The following PRKN variants were observed in gnomAD, a reference collection of about 807,000 sequenced individuals.
PRKN encodes E3 ubiquitin-protein ligase parkin.
A neutral mutation model predicts 59.5 loss-of-function variants in PRKN; 56 were observed. The ratio of observed to expected loss-of-function variants is 0.94; its 90% CI spans 0.76 to 1.18. The LOEUF (loss-of-function observed/expected upper bound fraction) is 1.18, where lower values mean the gene tolerates loss of function less well. PRKN is among the 50% of genes most tolerant of loss of function. The pLI, the probability that PRKN is intolerant of heterozygous loss-of-function variation, is 0.00. For missense variants in PRKN, 657 were observed against 596.4 expected, an observed-to-expected ratio of 1.10 and a Z score of -1.06; for synonymous variants, 250 against 222.1, an observed-to-expected ratio of 1.13 and a Z score of -1.12.
intron 2 of PRKN, among the ~76,000 whole-genome samples, chr6:162,421,790 C>T (rs1337013335): frequency 6.6e-6 from 1 of 151,964 alleles, no homozygotes; most frequent in Non-Finnish European, 1.5e-5. Flanking sequence ...ATAATGTTGA[C>T]CAGTAACTAT....
At chr6:161,783,108 C>T (rs909487199) in intron 7 of PRKN, among the ~76,000 whole-genome samples, 2 of 152,044 alleles carry the variant, frequency 1.3e-5, no homozygotes, top group African/African-American at 4.8e-5. Flanking sequence ...GTTGTGGGTG[C>T]ATTCCAAAGT....
At position 161,544,518 on chromosome 6, in the gene PRKN, A is replaced by T. The variant is rs1779729221; in HGVS notation, c.1083+4336T>A. 1.1e-5 allele frequency among the ~76,000 whole-genome samples: 1 copy of T among 87,930 alleles called. No homozygotes were observed. Among genetic ancestry groups the T allele is most frequent in the East Asian group, 6.8e-4 (1 of 1,462 alleles). 57.7% of individuals were successfully genotyped at this position (87,930 alleles called of 152,430 possible). On this transcript the variant is annotated intron_variant, in intron 9 of 11. Coordinates refer to ENST00000366898, the MANE Select transcript of PRKN (RefSeq NM_004562.3). The surrounding 1 kb of genome is among the most constrained non-coding windows in gnomAD (Gnocchi z 5.5). Reference sequence around the variant, plus strand: ...AACCATTTATTTTATTCATTCATTCATTCATTCATTCATTCATTCATTCAT... The same window carrying T: ...AACCATTTATTTTATTCATTCATTCTTTCATTCATTCATTCATTCATTCAT...
Position 162,011,724 on chromosome 6 carries a change from T to C in PRKN, c.619-38307A>G, listed in dbSNP as rs376068935. On this transcript the variant is annotated intron_variant, in intron 5 of 11. Transcript: ENST00000366898. ...ATTTCAGAGGGTCACTCTGGGCTAA[T>C]GACCTTTCTTCAGATTAAATATATA... is the stretch of plus-strand genomic sequence containing the variant. Among the ~76,000 whole-genome samples, 4 of 150,692 alleles carry C rather than the reference T, an allele frequency of 2.7e-5. No homozygotes were observed. In the Admixed American group the frequency reaches 2.7e-4, roughly 10 times the overall value.
intron 2 of PRKN, among the ~76,000 whole-genome samples, chr6:162,325,406 GA>G: frequency 6.6e-6 from 1 of 152,228 alleles, no homozygotes; most frequent in East Asian, 1.9e-4. Context: ...CATCTCGACG[GA>G]AACAGCCTCA....
rs1032147161 is a variant in PRKN at position 161,400,613 on chromosome 6, C to A, written c.1084-13736G>T. On this transcript the variant is annotated intron_variant, in intron 9 of 11. Coordinates refer to ENST00000366898, the MANE Select transcript of PRKN (RefSeq NM_004562.3). The surrounding 1 kb of genome is among the most constrained non-coding windows in gnomAD (Gnocchi z 4.2). ...ACAGGCATGAGCCACCACGCTCGGC[C>A]GAAAATTAAACGTATTCTAAGACAA... Among the ~76,000 whole-genome samples the A allele has an allele frequency of 6.6e-6, 1 of 151,944 alleles. No homozygotes were observed. The highest frequency in any genetic ancestry group is 1.5e-5 in the Non-Finnish European group (1 of 68,004).
At chr6:162,552,295 G>A (rs1779361912) in intron 1 of PRKN, among the ~76,000 whole-genome samples, 1 of 152,144 alleles carries the variant, frequency 6.6e-6, no homozygotes. Context: ...GGGAAAAAAC[G>A]GGGTTTTAGC....
intron 9 of PRKN, among the ~76,000 whole-genome samples, chr6:161,426,676 C>CACACACACACACACATAT (rs11271613): frequency 7.0e-6 from 1 of 142,678 alleles, no homozygotes; most frequent in African/African-American, 2.7e-5. Flanking sequence ...CACACACACA[C>CACACACACACACACATAT]CTCCTATTAG....
intron 3 of PRKN, 141 bp from the exon 4 acceptor site, chr6:162,201,393 A>G (rs890376517): frequency 7.9e-6 from 6 of 754,858 alleles, no homozygotes; most frequent in Non-Finnish European, 1.4e-5. Flanking sequence ...TAAATATTCC[A>G]ATGGGAATAC....
chr6:161,481,380 G>A (rs551204170), intron 9 of PRKN, among the ~76,000 whole-genome samples: 13 of 152,154 alleles, frequency 8.5e-5, no homozygotes, highest in South Asian at 6.2e-4. Flanking sequence ...AGAGGCAGGC[G>A]GATGATGAGG....
intron 3 of PRKN, among the ~76,000 whole-genome samples, chr6:162,247,459 TA>T (rs1472191922): frequency 6.6e-6 from 1 of 152,164 alleles, no homozygotes; most frequent in African/African-American, 2.4e-5. Context: ...CTTTTGTTTA[TA>T]ACACCTATGT....
chr6:162,636,360 C>A (rs1197301093), intron 1 of PRKN, among the ~76,000 whole-genome samples: 2 of 152,148 alleles, frequency 1.3e-5, no homozygotes, highest in Non-Finnish European at 2.9e-5. Flanking sequence ...TGAGCCATCT[C>A]CACCTCCTGT....
At chr6:162,450,259 C>A (rs542522268) in intron 1 of PRKN, among the ~76,000 whole-genome samples, 1 of 150,676 alleles carries the variant, frequency 6.6e-6, no homozygotes, top group Admixed American at 6.6e-5. Context: ...TGAATGTAAA[C>A]GCCCCTATGA....
At chr6:161,439,498 C>G (rs1789089296) in intron 9 of PRKN, among the ~76,000 whole-genome samples, 1 of 152,186 alleles carries the variant, frequency 6.6e-6, no homozygotes, top group Non-Finnish European at 1.5e-5. Context: ...TGTTTACAAC[C>G]CGAAGGCAGC....
rs989297270 is a variant in PRKN at position 161,480,900 on chromosome 6, G to C, written c.1083+67954C>G. Among the ~76,000 whole-genome samples the C allele has an allele frequency of 1.3e-5, 2 of 152,178 alleles. No individual in the cohort carries two copies. The highest frequency in any genetic ancestry group is 4.8e-5 in the African/African-American group (2 of 41,442). On this transcript the variant is annotated intron_variant, in intron 9 of 11. Transcript: ENST00000366898. This position sits in a 1 kb window ranked among gnomAD's most constrained non-coding sequence, Gnocchi z 4.1. ...TAAGCAGTGTGCTAACAACCCATTGGTAACTGGAAAGGAAAGCTGATGGTG... is the reference window on the plus strand; with the variant it reads ...TAAGCAGTGTGCTAACAACCCATTGCTAACTGGAAAGGAAAGCTGATGGTG...
rs989591311 is a variant in PRKN at position 161,582,094 on chromosome 6, T to C, written c.872-12678A>G. Reference sequence around the variant, plus strand: ...TGACTGAATGGTGAATTTGGAATCATTGCTTTCATCTACTGGTTTTTACCA... The same window carrying C: ...TGACTGAATGGTGAATTTGGAATCACTGCTTTCATCTACTGGTTTTTACCA... On this transcript the variant is annotated intron_variant, in intron 7 of 11. Transcript: ENST00000366898. This position sits in a 1 kb window ranked among gnomAD's most constrained non-coding sequence, Gnocchi z 4.4. Among the ~76,000 whole-genome samples, 1 of 152,220 alleles carries C rather than the reference T, an allele frequency of 6.6e-6. No individual in the cohort carries two copies. The highest frequency in any genetic ancestry group is 2.4e-5 in the African/African-American group (1 of 41,460).
intron 1 of PRKN, among the ~76,000 whole-genome samples, chr6:162,639,871 T>C (rs1777894242): frequency 6.6e-6 from 1 of 152,170 alleles, no homozygotes; most frequent in Non-Finnish European, 1.5e-5. Context: ...TCTAGAGCCT[T>C]ATAGTATTGA....
At chr6:162,049,574 G>T (rs1245002372) in intron 5 of PRKN, among the ~76,000 whole-genome samples, 1 of 152,092 alleles carries the variant, frequency 6.6e-6, no homozygotes, top group African/African-American at 2.4e-5. Flanking sequence ...TTCCTACCTT[G>T]ATAAGAATAT....
intron 7 of PRKN, among the ~76,000 whole-genome samples, chr6:161,660,731 C>T (rs9365311): frequency 0.47 from 71,793 of 152,020 alleles, 17,928 homozygotes; most frequent in Non-Finnish European, 0.55. Context: ...GGTTTAGACC[C>T]TGCCTTTGCT....
chr6:162,364,680 C>A (rs1474499756), intron 2 of PRKN, among the ~76,000 whole-genome samples: 2 of 152,028 alleles, frequency 1.3e-5, no homozygotes, highest in Non-Finnish European at 2.9e-5. Context: ...GCGAGCTGGG[C>A]CCTCTCATGT....
Sources: allele counts gnomAD v4.1 joint callset (sites outside exome capture counted in the v4.1 genomes callset), GRCh38; gene constraint gnomAD v4.1.1; non-coding constraint Gnocchi (gnomAD v3.1); transcripts MANE v1.5; gene names NCBI Gene and HGNC (gene_info 2026-07-23, HGNC 2026-07-21).